PFKP: variants seen among roughly 807,000 people sequenced by gnomAD.
PFKP encodes ATP-dependent 6-phosphofructokinase, platelet type.
A neutral mutation model predicts 94.3 loss-of-function variants in PFKP; 101 were observed. That is an observed-to-expected ratio of 1.07 (90% confidence interval 0.91 to 1.26). The LOEUF (loss-of-function observed/expected upper bound fraction) is 1.26. Ranked by LOEUF, PFKP falls within the 50% of genes most tolerant of loss-of-function variation. PFKP has a pLI of 0.00. For missense variants in PFKP, 1,145 were observed against 1,103.3 expected (o/e 1.04, Z -0.53); for synonymous variants, 573 against 432.6 (o/e 1.32, Z -4.03).
Position 3,099,269 on chromosome 10 carries a change from C to T in PFKP, c.187-6C>T. ...ATTTTTAAAAGATTCTCCCTTTCTC[C>T]CCTAGGGCTACCAGGGCATGGTGGA... On this transcript the variant is annotated splice_polypyrimidine_tract_variant and splice_region_variant and intron_variant, in intron 2 of 21. Transcript: ENST00000381125. 3.7e-6 allele frequency: 6 copies of T among 1,610,246 alleles called. No individual in the cohort carries two copies. Among genetic ancestry groups the T allele is most frequent in the Non-Finnish European group, 5.1e-6 (6 of 1,176,526 alleles).
intron 10 of PFKP, among the ~76,000 whole-genome samples, chr10:3,110,862 T>TTGAG (rs201359977): frequency 0.016 from 2,426 of 151,612 alleles, 63 homozygotes; most frequent in African/African-American, 0.056. Flanking sequence ...GTATGCATGT[T>TTGAG]TGTGGTAGTA....
chr10:3,067,740 A>G, intron 1 of PFKP, 33 bp downstream of exon 1: 2 of 1,167,310 alleles, frequency 1.7e-6, no homozygotes, highest in Non-Finnish European at 2.4e-6. Flanking sequence ...CGAGGGAGGG[A>G]CGGACGGACG....
At chr10:3,125,916 A>G (rs1837897914) in intron 16 of PFKP, among the ~76,000 whole-genome samples, 1 of 152,308 alleles carries the variant, frequency 6.6e-6, no homozygotes, top group South Asian at 2.1e-4. Context: ...TGCAGACAGG[A>G]CGGTGGCCAC....
At chr10:3,135,547 CCACAGGAGCAG>C (rs1198424928) in intron 20 of PFKP, among the ~76,000 whole-genome samples, 178 bp from the exon 21 acceptor site, 16 of 152,142 alleles carry the variant, frequency 1.1e-4, no homozygotes, top group Admixed American at 4.6e-4. Flanking sequence ...CGGGGCAGTC[CCACAGGAGCAG>C]AGCTGCACGA....
In PFKP at chr10:3,082,518, A is replaced by C. The variant is rs1202446322; in HGVS notation, c.186+57A>C. ...TTCTTCCACCTGCCCAGAGCCCTGC[A>C]GTCACCGGCGCTCGCTCACCCCTGC... On this transcript the variant is annotated intron_variant, in intron 2 of 21. Transcript: ENST00000381125. 11 of 1,312,206 alleles carry C rather than the reference A, an allele frequency of 8.4e-6. No individual in the cohort carries two copies. The African/African-American group carries it at 1.6e-4, about 19-fold the overall frequency. 81.3% of individuals were successfully genotyped at this position (1,312,206 alleles called of 1,614,324 possible).
At chr10:3,125,252 A>G in intron 16 of PFKP, 1 of 1,305,046 alleles carries the variant, frequency 7.7e-7, no homozygotes, top group Non-Finnish European at 1.0e-6. Flanking sequence ...TTGTTGAGGT[A>G]AGAGAACCCC....
intron 2 of PFKP, among the ~76,000 whole-genome samples, chr10:3,091,306 C>G (rs921751346): frequency 2.0e-5 from 3 of 152,046 alleles, no homozygotes; most frequent in Admixed American, 6.6e-5. Flanking sequence ...TGCTTTGACC[C>G]AAAGGCCATG....
chr10:3,105,061 T>C (rs147984433), intron 5 of PFKP, 54 bp from the exon 6 acceptor site: 43 of 1,553,580 alleles, frequency 2.8e-5, no homozygotes, highest in Non-Finnish European at 3.6e-5. Flanking sequence ...GGGTGCTCCC[T>C]CTGTTTCTCT....
At chr10:3,128,727 A>G (rs2279205) in intron 16 of PFKP, among the ~76,000 whole-genome samples, 104,454 of 152,188 alleles carry the variant, frequency 0.69, 35,915 homozygotes, top group East Asian at 0.74. Flanking sequence ...ATGGCATTTA[A>G]GGCCCACCTG....
chr10:3,105,547 A>G lies in PFKP; in HGVS notation c.774+46A>G, dbSNP rs749106632. On this transcript the variant is annotated intron_variant, in intron 7 of 21. Transcript: ENST00000381125. ...GTTGATAGCGGGCGATGCTGGCTGC[A>G]TTGCTTTAATCAGGATCCCAAGTGG... 14 of 1,338,940 alleles carry G rather than the reference A, an allele frequency of 1.0e-5. No individual in the cohort carries two copies. In the South Asian group the frequency reaches 1.5e-4, roughly 15 times the overall value. The allele number at this position is 1,338,940 out of a possible 1,614,324, so 82.9% of individuals were successfully genotyped here. A position where few individuals can be genotyped will look rare whatever the true frequency, so the allele number is the denominator to read the frequency against.
intron 1 of PFKP, among the ~76,000 whole-genome samples, chr10:3,079,452 T>C (rs1832855228): frequency 6.6e-6 from 1 of 152,010 alleles, no homozygotes. Context: ...GCCAGGATGG[T>C]CTCGATCTCC....
At position 3,112,848 on chromosome 10, in the gene PFKP, T is replaced by G. The variant is rs147826003; in HGVS notation, c.1155-271T>G. On this transcript the variant is annotated intron_variant, in intron 11 of 21. Coordinates refer to ENST00000381125, the MANE Select transcript of PFKP (RefSeq NM_002627.5). ...CTCCCAAAGTGCTGGGATTACAGGC[T>G]TGAGCCACCGCACGCATGTCTTGCA... 7.1e-3 allele frequency among the ~76,000 whole-genome samples: 1,077 copies of G among 152,368 alleles called. 13 individuals carry two copies. The highest frequency in any genetic ancestry group is 0.025 in the African/African-American group (1,020 of 41,592).
chr10:3,106,264 G>GAACCCCTGTCAATCAC (rs1564308664), intron 7 of PFKP, among the ~76,000 whole-genome samples: 7 of 104,600 alleles, frequency 6.7e-5, no homozygotes, highest in African/African-American at 2.3e-4. Flanking sequence ...TTCCCCATGG[G>GAACCCCTGTCAATCAC]AGGCAGAAAG....
chr10:3,102,024 G>T (rs1436389730), intron 4 of PFKP, among the ~76,000 whole-genome samples: 2 of 150,610 alleles, frequency 1.3e-5, no homozygotes, highest in African/African-American at 4.8e-5. Context: ...GGCCGAGGCG[G>T]GCGGATCACG....
intron 2 of PFKP, among the ~76,000 whole-genome samples, chr10:3,084,146 A>C (rs1833300499): frequency 6.6e-6 from 1 of 152,228 alleles, no homozygotes. Flanking sequence ...TCCTAATATC[A>C]GGCACCGACT....
chr10:3,108,101 C>A (rs116032793), intron 8 of PFKP: 16 of 1,002,534 alleles, frequency 1.6e-5, no homozygotes, highest in Middle Eastern at 2.5e-4. Flanking sequence ...TCCATAAAGT[C>A]CAGGCAAAGA....
At chr10:3,090,036 T>C (rs1356813180) in intron 2 of PFKP, among the ~76,000 whole-genome samples, 1 of 152,242 alleles carries the variant, frequency 6.6e-6, no homozygotes, top group African/African-American at 2.4e-5. Flanking sequence ...ACCTAATTTC[T>C]GCCTGTTCCA....
chr10:3,101,372 C>G lies in PFKP; in HGVS notation c.272C>G (p.Thr91Arg). ...SVSSILQVGG[T>R]IIGSARCQAF... ...AGCTGGTGTCTTTCCCAGGGCGGGA[C>G]GATCATTGGCAGTGCGCGGTGCCAG... The change falls in exon 4 of 22, where the codon ACG (threonine) becomes AGG (arginine). Residue 91 changes from threonine (T) to arginine (R), a missense_variant. Around this residue, in one of 3 missense-constraint regions of PFKP, gnomAD observed 1,119 missense variants for 1,062.8 expected, o/e 1.05. Coordinates refer to ENST00000381125, the MANE Select transcript of PFKP (RefSeq NM_002627.5). 1 of 1,585,696 alleles carries G rather than the reference C, an allele frequency of 6.3e-7. No individual in the cohort carries two copies. Among genetic ancestry groups the G allele is most frequent in the Non-Finnish European group, 8.6e-7 (1 of 1,165,968 alleles).
chr10:3,133,363 TTTAAAAGA>T (rs768042347), intron 19 of PFKP, 49 bp downstream of exon 19: 1 of 1,149,902 alleles, frequency 8.7e-7, no homozygotes, highest in South Asian at 1.2e-5. Context: ...TCATGTGACT[TTTAAAAGA>T]TTAGTGTCTT....
Sources: gnomAD v4.1 joint callset for allele counts (sites outside exome capture counted in the v4.1 genomes callset) on GRCh38, gnomAD v4.1.1 for gene constraint, gnomAD v4.1.1 regional missense constraint, MANE v1.5 for transcripts, NCBI Gene and HGNC (gene_info 2026-07-23, HGNC 2026-07-21) for gene names.